GSN: variants seen among roughly 807,000 people sequenced by gnomAD.
GSN encodes gelsolin.
A neutral mutation model predicts 85.7 loss-of-function variants in GSN; 56 were observed. The ratio of observed to expected loss-of-function variants is 0.65; its 90% CI spans 0.53 to 0.82. GSN has a LOEUF of 0.82. Among genes scored for constraint, GSN ranks in the 40% least tolerant of loss-of-function variants. The probability of loss-of-function intolerance (pLI) is 0.00; values close to 1 mark genes in which losing one functional copy is unlikely to be tolerated. For synonymous variants in GSN, 373 were observed against 399.1 expected, an observed-to-expected ratio of 0.93 and a Z score of 0.78; for missense variants, 857 against 979.8, an observed-to-expected ratio of 0.87 and a Z score of 1.67.
Position 121,318,257 on chromosome 9 carries a change from G to A in GSN, c.887-149G>A, listed in dbSNP as rs1269678656. On this transcript the variant is annotated intron_variant, in intron 8 of 17. Coordinates refer to ENST00000432226, the MANE Select transcript of GSN (RefSeq NM_198252.3). The surrounding 1 kb of genome is among the most constrained non-coding windows in gnomAD (Gnocchi z 4.3). Reference sequence around the variant, plus strand: ...ACACCAGGAGCTCTAGTGAGTGGTCGGCTCTGGGGGTCTCTGGCCTTGGCT... The same window carrying A: ...ACACCAGGAGCTCTAGTGAGTGGTCAGCTCTGGGGGTCTCTGGCCTTGGCT... 2.1e-5 allele frequency: 15 copies of A among 725,224 alleles called. No homozygotes were observed. Among genetic ancestry groups the A allele is most frequent in the South Asian group, 5.8e-5 (4 of 68,476 alleles). The allele number at this position is 725,224 out of a possible 1,614,324, so 44.9% of individuals were successfully genotyped here.
At chr9:121,319,582 C>G (rs888804744) in intron 10 of GSN, among the ~76,000 whole-genome samples, 1 of 151,760 alleles carries the variant, frequency 6.6e-6, no homozygotes, top group Non-Finnish European at 1.5e-5. Flanking sequence ...CTCGGCCCCC[C>G]AAAGTGTTGG....
Position 121,329,342 on chromosome 9 carries a change from C to G in GSN, c.1965+27C>G. On this transcript the variant is annotated intron_variant, in intron 16 of 17. Coordinates refer to ENST00000432226, the MANE Select transcript of GSN (RefSeq NM_198252.3). The surrounding 1 kb of genome is among the most constrained non-coding windows in gnomAD (Gnocchi z 4.6). ...TGGGTGAAGGACAGGTGAAGGCTCT[C>G]TGTGCCAGAGGGAGTGGGAGAAACT... 1 of 1,362,720 alleles carries G rather than the reference C, an allele frequency of 7.3e-7. No homozygotes were observed. Among genetic ancestry groups the G allele is most frequent in the South Asian group, 1.2e-5 (1 of 86,072 alleles). 84.4% of individuals were successfully genotyped at this position (1,362,720 alleles called of 1,614,324 possible). A position where few individuals can be genotyped will look rare whatever the true frequency, so the allele number is the denominator to read the frequency against.
intron 1 of GSN, among the ~76,000 whole-genome samples, chr9:121,272,728 A>G (rs897558132): frequency 5.3e-5 from 8 of 152,158 alleles, no homozygotes; most frequent in African/African-American, 1.4e-4. Flanking sequence ...TGCTTTCACT[A>G]TCTGCTTTAA....
At chr9:121,236,373 C>G (rs974943117) in intron 5 of GSN, among the ~76,000 whole-genome samples, 1 of 152,002 alleles carries the variant, frequency 6.6e-6, no homozygotes. Flanking sequence ...ATACACGCTA[C>G]CACGGCCGGC....
intron 10 of GSN, among the ~76,000 whole-genome samples, chr9:121,320,283 G>A (rs1363043979): frequency 1.3e-5 from 2 of 152,190 alleles, no homozygotes; most frequent in East Asian, 3.9e-4. Flanking sequence ...AGAACGCTGC[G>A]GAGACCTGCC....
At chr9:121,298,950 A>G (rs1263568228) in intron 2 of GSN, among the ~76,000 whole-genome samples, 1 of 152,196 alleles carries the variant, frequency 6.6e-6, no homozygotes, top group Non-Finnish European at 1.5e-5. Context: ...GTCTTCCCCC[A>G]GGGGAGTCAA....
chr9:121,291,817 CAG>C (rs1176872896), intron 2 of GSN, among the ~76,000 whole-genome samples: 2 of 152,134 alleles, frequency 1.3e-5, no homozygotes, highest in East Asian at 3.8e-4. Flanking sequence ...CACTGAAGCT[CAG>C]AGAGGTTGTG....
upstream of GSN, among the ~76,000 whole-genome samples, chr9:121,203,810 G>C (rs1313699650): frequency 2.6e-5 from 4 of 152,206 alleles, no homozygotes; most frequent in African/African-American, 9.7e-5. Context: ...AAATGGGATA[G>C]TATATGCAAA....
chr9:121,231,666 A>G (rs571586253), intron 5 of GSN, among the ~76,000 whole-genome samples: 29 of 152,344 alleles, frequency 1.9e-4, no homozygotes, highest in Admixed American at 1.0e-3. Flanking sequence ...GAGTGACCAC[A>G]GAGTCCTACA....
chr9:121,248,822 G>T (rs1433291244), intron 6 of GSN, among the ~76,000 whole-genome samples: 1 of 152,142 alleles, frequency 6.6e-6, no homozygotes, highest in African/African-American at 2.4e-5. Flanking sequence ...GTCTGGGAAA[G>T]AAGGCGAGTA....
rs1469074763 is a variant in GSN, at chr9:121,327,243, G to A, written c.1588-65G>A. ...GCTAGTCCTGCTGCGGGGTCTCCTGGGCTGTGAGGAGGGGGCTGAGGGCTT... is the reference window on the plus strand; with the variant it reads ...GCTAGTCCTGCTGCGGGGTCTCCTGAGCTGTGAGGAGGGGGCTGAGGGCTT... On this transcript the variant is annotated intron_variant, in intron 13 of 17. Transcript: ENST00000432226. The A allele has an allele frequency of 3.0e-6, 4 of 1,315,140 alleles. No individual in the cohort carries two copies. In the East Asian group the frequency reaches 9.2e-5, roughly 30 times the overall value. 81.5% of individuals were successfully genotyped at this position (1,315,140 alleles called of 1,614,324 possible). A position where few individuals can be genotyped will look rare whatever the true frequency, so the allele number is the denominator to read the frequency against.
intron 6 of GSN, among the ~76,000 whole-genome samples, chr9:121,259,169 T>C (rs1409002537): frequency 1.3e-5 from 2 of 152,248 alleles, no homozygotes; most frequent in Admixed American, 6.5e-5. Flanking sequence ...TATCTGGCCC[T>C]GCCCTCAGGG....
chr9:121,278,715 G>T (rs1196676012), intron 1 of GSN, among the ~76,000 whole-genome samples: 4 of 152,228 alleles, frequency 2.6e-5, no homozygotes, highest in Non-Finnish European at 5.9e-5. Flanking sequence ...GTGTGTGGGT[G>T]GTGGACTAGA....
chr9:121,244,384 T>C (rs766175955), intron 5 of GSN, among the ~76,000 whole-genome samples: 18 of 152,250 alleles, frequency 1.2e-4, no homozygotes, highest in Non-Finnish European at 2.4e-4. Flanking sequence ...ATTATAAATA[T>C]ATTGCATGTT....
chr9:121,207,302 A>G (rs2053897394), upstream of GSN, among the ~76,000 whole-genome samples: 2 of 152,214 alleles, frequency 1.3e-5, no homozygotes, highest in South Asian at 2.1e-4. Flanking sequence ...CACAGCAAGC[A>G]GCATGAGCAT....
chr9:121,326,832 G>A (rs1480273184), intron 13 of GSN, 150 bp downstream of exon 13: 1 of 821,764 alleles, frequency 1.2e-6, no homozygotes, highest in Non-Finnish European at 2.2e-6. Flanking sequence ...CGTGGCCACA[G>A]GGTTGTCTGT....
intron 1 of GSN, chr9:121,281,217 C>CA (rs1437042561): frequency 6.3e-5 from 13 of 204,740 alleles, no homozygotes; most frequent in African/African-American, 2.5e-4. Context: ...AGAGCTAATA[C>CA]CAGCAGGTAC....
At chr9:121,210,701 T>G (rs1207327883) in intron 3 of GSN, 3 of 152,206 alleles carry the variant, frequency 2.0e-5, no homozygotes, top group Admixed American at 2.0e-4. Context: ...CACACTTGCA[T>G]GAGAGGGTTT....
At chr9:121,281,879 T>C (rs2057422549) in intron 2 of GSN, 1 of 471,162 alleles carries the variant, frequency 2.1e-6, no homozygotes, top group East Asian at 6.9e-5. Flanking sequence ...CTCAAGGCCT[T>C]GGTTGCTATT....
Sources: allele counts gnomAD v4.1 joint callset (sites outside exome capture counted in the v4.1 genomes callset), GRCh38; gene constraint gnomAD v4.1.1; non-coding constraint Gnocchi (gnomAD v3.1); transcripts MANE v1.5; gene names NCBI Gene and HGNC (gene_info 2026-07-23, HGNC 2026-07-21).